Variants in SYNCRIP observed in about 807,000 individuals in gnomAD.
SYNCRIP encodes heterogeneous nuclear ribonucleoprotein Q.
SYNCRIP carries 9 observed loss-of-function variants against 68.9 expected under a neutral mutation model. The observed-to-expected ratio is 0.13, with a 90% CI of 0.08 to 0.23. SYNCRIP has a LOEUF of 0.23. Among genes scored for constraint, SYNCRIP ranks in the 10% least tolerant of loss-of-function variants. The probability of loss-of-function intolerance (pLI) is 1.00; values close to 1 mark genes in which losing one functional copy is unlikely to be tolerated. For synonymous variants in SYNCRIP, 258 were observed against 254.0 expected (o/e 1.02, Z -0.15); for missense variants, 414 against 770.6 (o/e 0.54, Z 5.48).
In SYNCRIP at chr6:85,636,969, G is replaced by A; in HGVS notation, c.664C>T (p.Leu222=). ...AAGGGGAAAAAAGGACAACTTACCA[G>A]TTTAACAGCCTCCTGAGCTGCTTCT... ...TKEAAQEAVK[L]YNNHEIRSGK... Residue 222 remains leucine (L), a splice_region_variant and synonymous_variant, in exon 6 of 11, where the codon CTG becomes TTG. Coordinates refer to ENST00000369622, the MANE Select transcript of SYNCRIP (RefSeq NM_006372.5). 1.9e-6 allele frequency: 3 copies of A among 1,593,866 alleles called. No individual in the cohort carries two copies. Among genetic ancestry groups the A allele is most frequent in the South Asian group, 1.2e-5 (1 of 85,892 alleles).
intron 2 of SYNCRIP, among the ~76,000 whole-genome samples, 197 bp from the exon 3 acceptor site, chr6:85,640,761 C>A (rs1004708387): frequency 8.6e-5 from 13 of 151,730 alleles, no homozygotes; most frequent in Non-Finnish European, 8.8e-5. Context: ...ACCACACTTA[C>A]AATAATCAGC....
chr6:85,640,682 T>C, intron 2 of SYNCRIP, 118 bp from the exon 3 acceptor site: 1 of 537,598 alleles, frequency 1.9e-6, no homozygotes, highest in Non-Finnish European at 3.1e-6. Flanking sequence ...CCCTCATCTA[T>C]ACCTGAAAAA....
chr6:85,638,302 C>T (rs1583315540), intron 4 of SYNCRIP, among the ~76,000 whole-genome samples: 2 of 137,626 alleles, frequency 1.5e-5, no homozygotes, highest in South Asian at 4.8e-4. Flanking sequence ...AACGCTTAAA[C>T]CTGGAGGGGC....
intron 6 of SYNCRIP, among the ~76,000 whole-genome samples, chr6:85,636,306 C>T (rs757152990): frequency 5.3e-5 from 8 of 151,806 alleles, no homozygotes; most frequent in Non-Finnish European, 7.4e-5. Flanking sequence ...TTAGCCTGAG[C>T]GTGGTGGCAG....
intron 6 of SYNCRIP, among the ~76,000 whole-genome samples, chr6:85,635,774 CAAAAAAAAAAAAA>C (rs58599854): frequency 1.4e-4 from 11 of 78,914 alleles, no homozygotes; most frequent in Admixed American, 1.4e-3. Context: ...TTCTATCTCC[CAAAAAAAAAAAAA>C]AAAAAAAAAA....
downstream of SYNCRIP, chr6:85,607,868 T>A (rs1255484153): frequency 6.6e-6 from 1 of 152,110 alleles, no homozygotes; most frequent in African/African-American, 2.4e-5. Flanking sequence ...AAGCTTCTTT[T>A]CGATAATCAA....
intron 9 of SYNCRIP, 120 bp from the exon 10 acceptor site, chr6:85,619,059 G>C: frequency 8.3e-7 from 1 of 1,199,826 alleles, no homozygotes. Flanking sequence ...CATGCAGGCA[G>C]TCAAATAATT....
At position 85,622,693 on chromosome 6, in the gene SYNCRIP, A is replaced by G. The variant is rs776494766; in HGVS notation, c.803-6T>C. 1.9e-6 allele frequency: 3 copies of G among 1,612,416 alleles called. No homozygotes were observed. Among genetic ancestry groups the G allele is most frequent in the East Asian group, 2.2e-5 (1 of 44,872 alleles). ...AATGACGTCTGTAAGACCCTCTGCA[A>G]GTAAGCAACCATTCCAGGAAAATTA... On this transcript the variant is annotated splice_polypyrimidine_tract_variant and splice_region_variant and intron_variant, in intron 7 of 10. Coordinates refer to ENST00000369622, the MANE Select transcript of SYNCRIP (RefSeq NM_006372.5).
In SYNCRIP at chr6:85,640,945, G is replaced by A. The variant is rs530371562; in HGVS notation, c.148+347C>T. 1.7e-3 allele frequency among the ~76,000 whole-genome samples: 253 copies of A among 152,226 alleles called. 1 individual carries two copies. Among genetic ancestry groups the A allele is most frequent in the African/African-American group, 5.6e-3 (232 of 41,528 alleles). ...AAAAAGTTAACAGCCGCACCAGAAA[G>A]ACAAGAAAACAAGTCTACAGTTACC... On this transcript the variant is annotated intron_variant, in intron 2 of 10. Coordinates refer to ENST00000369622, the MANE Select transcript of SYNCRIP (RefSeq NM_006372.5).
intron 6 of SYNCRIP, 139 bp from the exon 7 acceptor site, chr6:85,624,251 GATTAT>G: frequency 2.6e-6 from 2 of 782,160 alleles, no homozygotes; most frequent in Non-Finnish European, 2.0e-6. Flanking sequence ...ATGAGGAACA[GATTAT>G]ATTAACAAGA....
intron 6 of SYNCRIP, among the ~76,000 whole-genome samples, chr6:85,629,590 G>A (rs929074937): frequency 6.0e-5 from 9 of 150,244 alleles, no homozygotes; most frequent in Non-Finnish European, 8.9e-5. Flanking sequence ...TTGGGAGGCC[G>A]ATGTGGGCGG....
chr6:85,632,443 G>C (rs190706795), intron 6 of SYNCRIP, among the ~76,000 whole-genome samples: 1 of 152,180 alleles, frequency 6.6e-6, no homozygotes, highest in Non-Finnish European at 1.5e-5. Context: ...AGCTTCCAAA[G>C]TATGCGCCCT....
chr6:85,643,333 C>T (rs1200117194), upstream of SYNCRIP: 1 of 152,502 alleles, frequency 6.6e-6, no homozygotes, highest in African/African-American at 2.4e-5. Flanking sequence ...GCTGACGTGA[C>T]AACGTAGCCT....
At chr6:85,621,932 A>C (rs1373385465) in intron 8 of SYNCRIP, among the ~76,000 whole-genome samples, 1 of 152,224 alleles carries the variant, frequency 6.6e-6, no homozygotes, top group Non-Finnish European at 1.5e-5. Context: ...CTTCATTACA[A>C]GATTGTGATG....
intron 10 of SYNCRIP, among the ~76,000 whole-genome samples, chr6:85,617,731 A>T (rs949296579): frequency 6.6e-6 from 1 of 152,250 alleles, no homozygotes; most frequent in African/African-American, 2.4e-5. Flanking sequence ...CTGATTATGA[A>T]GTAACAGAAA....
At chr6:85,611,707 T>C (rs1259433097), downstream of SYNCRIP, 1 of 152,406 alleles carries the variant, frequency 6.6e-6, no homozygotes, top group African/African-American at 2.4e-5. Flanking sequence ...GCACAAATGA[T>C]TGTACTCTAC....
At chr6:85,627,886 C>G (rs1807244297) in intron 6 of SYNCRIP, among the ~76,000 whole-genome samples, 1 of 152,122 alleles carries the variant, frequency 6.6e-6, no homozygotes, top group South Asian at 2.1e-4. Context: ...CTGGAACGTT[C>G]CTGTCATCAA....
chr6:85,633,693 C>T (rs1808101037), intron 6 of SYNCRIP, among the ~76,000 whole-genome samples: 1 of 151,984 alleles, frequency 6.6e-6, no homozygotes, highest in Non-Finnish European at 1.5e-5. Context: ...TTTTTTCCCC[C>T]TTTTTGGTTT....
At chr6:85,610,030 C>T (rs1805123001), downstream of SYNCRIP, 1 of 151,876 alleles carries the variant, frequency 6.6e-6, no homozygotes, top group Admixed American at 6.6e-5. Context: ...TCTCATATCC[C>T]ATGACATTCC....
Sources: gnomAD v4.1 joint callset for allele counts (sites outside exome capture counted in the v4.1 genomes callset) on GRCh38, gnomAD v4.1.1 for gene constraint, MANE v1.5 for transcripts, NCBI Gene and HGNC (gene_info 2026-07-23, HGNC 2026-07-21) for gene names.